Variants in MAML3 observed in about 807,000 individuals in gnomAD.
MAML3 encodes the protein mastermind like transcriptional coactivator 3, also known as mastermind-like protein 3.
A neutral mutation model predicts 101.9 loss-of-function variants in MAML3; 27 were observed. The ratio of observed to expected loss-of-function variants is 0.27; its 90% CI spans 0.20 to 0.37. The LOEUF (loss-of-function observed/expected upper bound fraction) is 0.37. Ranked by LOEUF, MAML3 falls within the 10% of genes least tolerant of loss-of-function variation. MAML3 has a pLI of 1.00. For missense variants in MAML3, 1,316 were observed against 1,444.9 expected (o/e 0.91, Z 1.45); for synonymous variants, 501 against 555.9 (o/e 0.90, Z 1.39).
At chr4:140,051,903 T>C (rs1162476756) in intron 1 of MAML3, among the ~76,000 whole-genome samples, 1 of 152,188 alleles carries the variant, frequency 6.6e-6, no homozygotes, top group Admixed American at 6.5e-5. Context: ...ACTTAGCCAC[T>C]GGGCCACCAG....
chr4:139,745,794 G>A (rs1729301029), intron 2 of MAML3, among the ~76,000 whole-genome samples: 1 of 152,096 alleles, frequency 6.6e-6, no homozygotes, highest in African/African-American at 2.4e-5. Context: ...ATACCACCTG[G>A]TTTTTGACAG....
chr4:140,035,588 A>G (rs557114815), intron 1 of MAML3, among the ~76,000 whole-genome samples: 1 of 152,118 alleles, frequency 6.6e-6, no homozygotes, highest in Non-Finnish European at 1.5e-5. Flanking sequence ...CGAGGTCAGG[A>G]GATCAAGACC....
At chr4:140,065,212 C>A (rs551073566) in intron 1 of MAML3, among the ~76,000 whole-genome samples, 1 of 151,620 alleles carries the variant, frequency 6.6e-6, no homozygotes, top group African/African-American at 2.4e-5. Flanking sequence ...TGTGAAGTTA[C>A]ATATAGTGAG....
At chr4:140,063,344 C>G (rs7675405) in intron 1 of MAML3, among the ~76,000 whole-genome samples, 148,340 of 152,290 alleles carry the variant, frequency 0.97, 72,354 homozygotes, top group East Asian at 1. Context: ...TGTAATAAGC[C>G]GTCAGTATTT....
chr4:139,890,343 G>C lies in MAML3; in HGVS notation c.1093C>G (p.Pro365Ala). The change falls in exon 2 of 5, where the codon CCC becomes GCC. Residue 365 changes from proline to alanine, a missense_variant. By Grantham distance (27) the Pro-to-Ala change is conservative (BLOSUM62 -1). Transcript: ENST00000509479. This position sits in a 1 kb window ranked among gnomAD's most constrained non-coding sequence, Gnocchi z 4.1. ...GATCCCATGGAGACATGTGCGAAGG[G>C]AGAGTGAGAGGGGTCGCTCTTCACG... is the stretch of plus-strand genomic sequence containing the variant. ...ASVKSDPSHS[P>A]FAHVSMGSPQ... is the part of the protein sequence containing the mutation. 6.2e-7 allele frequency: 1 copy of C among 1,607,352 alleles called. No homozygotes were observed. The highest frequency in any genetic ancestry group is 8.5e-7 in the Non-Finnish European group (1 of 1,175,646).
chr4:140,119,203 C>G (rs975911049), intron 1 of MAML3, among the ~76,000 whole-genome samples: 1 of 152,174 alleles, frequency 6.6e-6, no homozygotes, highest in African/African-American at 2.4e-5. Context: ...AAAACCTATT[C>G]AGTTTCCACT....
chr4:140,085,083 A>G (rs1357502730), intron 1 of MAML3, among the ~76,000 whole-genome samples: 1 of 152,124 alleles, frequency 6.6e-6, no homozygotes, highest in Non-Finnish European at 1.5e-5. Context: ...CTGCCCCCAG[A>G]CCACAGTGAA....
chr4:139,929,602 CA>C (rs937679155), intron 1 of MAML3, among the ~76,000 whole-genome samples: 2 of 152,184 alleles, frequency 1.3e-5, no homozygotes, highest in African/African-American at 4.8e-5. Flanking sequence ...AGCATCTATA[CA>C]ATCATGACAA....
At chr4:139,859,693 T>C (rs1424333603) in intron 2 of MAML3, among the ~76,000 whole-genome samples, 1 of 152,238 alleles carries the variant, frequency 6.6e-6, no homozygotes, top group Non-Finnish European at 1.5e-5. Flanking sequence ...AACAATTTTA[T>C]GAGAAATATA....
chr4:140,004,934 T>C (rs549038008), intron 1 of MAML3, among the ~76,000 whole-genome samples: 2 of 152,312 alleles, frequency 1.3e-5, no homozygotes, highest in Admixed American at 1.3e-4. Flanking sequence ...CCAAACAGAA[T>C]GATTTTTGTT....
At chr4:139,742,614 G>T (rs1157992626) in intron 2 of MAML3, among the ~76,000 whole-genome samples, 7 of 152,168 alleles carry the variant, frequency 4.6e-5, no homozygotes, top group Non-Finnish European at 1.0e-4. Flanking sequence ...CTCAGATTTT[G>T]TTGGTTCTTA....
chr4:139,914,378 A>T (rs922910046), intron 1 of MAML3, among the ~76,000 whole-genome samples: 3 of 152,314 alleles, frequency 2.0e-5, no homozygotes, highest in African/African-American at 7.2e-5. Flanking sequence ...AGCTCACAAC[A>T]GAGGGAGACA....
intron 1 of MAML3, among the ~76,000 whole-genome samples, chr4:140,038,787 G>A (rs1464903200): frequency 6.6e-6 from 1 of 152,200 alleles, no homozygotes; most frequent in African/African-American, 2.4e-5. Context: ...GAAGGTGCTT[G>A]TGAAATGACA....
At chr4:139,800,127 G>GT (rs1730578342) in intron 2 of MAML3, among the ~76,000 whole-genome samples, 1 of 151,998 alleles carries the variant, frequency 6.6e-6, no homozygotes, top group Non-Finnish European at 1.5e-5. Flanking sequence ...GAATCAGACT[G>GT]TTTTTTTCAG....
intron 2 of MAML3, among the ~76,000 whole-genome samples, chr4:139,748,553 G>A (rs1477125318): frequency 6.6e-6 from 1 of 152,206 alleles, no homozygotes; most frequent in Non-Finnish European, 1.5e-5. Context: ...CTGGGGAAAA[G>A]TCAGGCTGAG....
intron 2 of MAML3, among the ~76,000 whole-genome samples, chr4:139,781,017 CT>C (rs1288802196): frequency 6.6e-6 from 1 of 152,122 alleles, no homozygotes; most frequent in Admixed American, 6.5e-5. Context: ...ATCATTTTAT[CT>C]TTGTTAGAAT....
intron 1 of MAML3, among the ~76,000 whole-genome samples, chr4:139,966,775 A>G (rs1318586215): frequency 1.3e-5 from 2 of 152,310 alleles, no homozygotes; most frequent in East Asian, 3.9e-4. Context: ...TCTTTGGTTA[A>G]CAGGCTTTAA....
chr4:139,972,605 G>A (rs1734250526), intron 1 of MAML3, among the ~76,000 whole-genome samples: 1 of 152,220 alleles, frequency 6.6e-6, no homozygotes, highest in Admixed American at 6.5e-5. Flanking sequence ...GTGCTAAAAT[G>A]AGAGAAGGTT....
intron 2 of MAML3, among the ~76,000 whole-genome samples, chr4:139,759,858 C>T (rs971817301): frequency 7.9e-5 from 12 of 152,110 alleles, no homozygotes; most frequent in African/African-American, 2.7e-4. Flanking sequence ...GGGGTAAAGG[C>T]GAACATGATA....
Sources: allele counts gnomAD v4.1 joint callset (sites outside exome capture counted in the v4.1 genomes callset), GRCh38; gene constraint gnomAD v4.1.1; non-coding constraint Gnocchi (gnomAD v3.1); transcripts MANE v1.5; gene names NCBI Gene and HGNC (gene_info 2026-07-23, HGNC 2026-07-21).